Variants in EZH2 observed in about 807,000 individuals in gnomAD.
The protein encoded by EZH2 is enhancer of zeste 2 polycomb repressive complex 2 subunit.
EZH2 carries 18 observed loss-of-function variants against 98.4 expected under a neutral mutation model. That is an observed-to-expected ratio of 0.18 (90% CI 0.13 to 0.27). The LOEUF (loss-of-function observed/expected upper bound fraction) is 0.27. Ranked by LOEUF, EZH2 falls within the 10% of genes least tolerant of loss-of-function variation. The pLI is 1.00. For synonymous variants in EZH2, 338 were observed against 312.3 expected (o/e 1.08, Z -0.87); for missense variants, 470 against 935.1 (o/e 0.50, Z 6.49).
chr7:148,847,405 GACACATATT>G, intron 1 of EZH2, 100 bp from the exon 2 acceptor site: 1 of 1,432,972 alleles, frequency 7.0e-7, no homozygotes, highest in Non-Finnish European at 9.6e-7. Context: ...GTGAAGAAAT[GACACATATT>G]ACACTGTTGG....
At chr7:148,815,701 A>C (rs1443487205) in intron 12 of EZH2, among the ~76,000 whole-genome samples, 155 bp from the exon 13 acceptor site, 1 of 152,242 alleles carries the variant, frequency 6.6e-6, no homozygotes, top group African/African-American at 2.4e-5. Context: ...ATCAGTTTGA[A>C]GCAACTCAAA....
At chr7:148,853,509 C>T (rs1816241237) in intron 1 of EZH2, among the ~76,000 whole-genome samples, 1 of 152,234 alleles carries the variant, frequency 6.6e-6, no homozygotes, top group South Asian at 2.1e-4. Flanking sequence ...GAATCTAATG[C>T]TGCTGCCAAT....
At chr7:148,859,970 T>C (rs1189182022) in intron 1 of EZH2, among the ~76,000 whole-genome samples, 1 of 152,194 alleles carries the variant, frequency 6.6e-6, no homozygotes. Flanking sequence ...AACATATTTA[T>C]GCAAATAGCC....
intron 3 of EZH2, among the ~76,000 whole-genome samples, chr7:148,844,124 A>G (rs1213704305): frequency 6.6e-6 from 1 of 152,230 alleles, no homozygotes; most frequent in Non-Finnish European, 1.5e-5. Flanking sequence ...TACCACTAGG[A>G]AAGTCTTTGC....
chr7:148,826,528 A>T lies in EZH2; in HGVS notation c.833T>A (p.Leu278Ter). The change falls in exon 8 of 20, where the codon TTA (leucine) becomes TAA (stop). Residue 278 changes from leucine (L) to a stop codon, truncating the protein, a stop_gained. Transcript: ENST00000320356. LOFTEE classifies it high-confidence loss of function. Reference sequence around the variant, plus strand: ...ACAGAAAAGCGTATGAAAGGAGTGTAAGCTTTGCTCTCTCTGAACAGATTT... The same window carrying T: ...ACAGAAAAGCGTATGAAAGGAGTGTTAGCTTTGCTCTCTCTGAACAGATTT... ...NAKSVQREQS[L>*]HSFHTLFCRR... is the part of the protein sequence containing the mutation. The T allele has an allele frequency of 6.2e-7, 1 of 1,607,410 alleles. No individual in the cohort carries two copies. Among genetic ancestry groups the T allele is most frequent in the Non-Finnish European group, 8.5e-7 (1 of 1,175,746 alleles).
chr7:148,868,050 A>C (rs1205756263), intron 1 of EZH2, among the ~76,000 whole-genome samples: 2 of 152,104 alleles, frequency 1.3e-5, no homozygotes, highest in Admixed American at 1.3e-4. Flanking sequence ...TTTGGTCAAA[A>C]CCATTCAACA....
At chr7:148,819,360 T>C (rs1805395314) in intron 9 of EZH2, among the ~76,000 whole-genome samples, 1 of 152,216 alleles carries the variant, frequency 6.6e-6, no homozygotes, top group South Asian at 2.1e-4. Flanking sequence ...CCTAAAGACC[T>C]TGAAATGTTG....
rs867056575 is a variant in EZH2 at position 148,863,096 on chromosome 7, A to G, written c.-7-15791T>C. Among the ~76,000 whole-genome samples the G allele has an allele frequency of 7.8e-4, 113 of 144,600 alleles. 1 individual carries two copies. Among genetic ancestry groups the G allele is most frequent in the South Asian group, 4.6e-3 (21 of 4,522 alleles). 94.9% of individuals were successfully genotyped at this position (144,600 alleles called of 152,430 possible). On this transcript the variant is annotated intron_variant, in intron 1 of 19. Coordinates refer to ENST00000320356, the MANE Select transcript of EZH2 (RefSeq NM_004456.5). ...GAGACCCTGTCTCAAAAAAAAAAAA[A>G]AAAGAAAGAAAGAAAGAAAAAATAG...
intron 1 of EZH2, among the ~76,000 whole-genome samples, chr7:148,872,787 A>C (rs531234708): frequency 5.9e-4 from 89 of 152,100 alleles, no homozygotes; most frequent in Non-Finnish European, 1.2e-3. Flanking sequence ...AGTATCAAAA[A>C]CTAAGAGACT....
rs1434330368 is a variant in EZH2 at position 148,832,705 on chromosome 7, A to T, written c.292T>A (p.Leu98Ile). Residue 98 changes from leucine to isoleucine, a missense_variant, in exon 4 of 20, where the codon TTA becomes ATA. Leu to Ile is a conservative substitution (Grantham distance 5). Around this residue, in one of 6 missense-constraint regions of EZH2, gnomAD observed 79 missense variants for 122.1 expected, o/e 0.65. Transcript: ENST00000320356. ...DLDFPTQVIP[L>I]KTLNAVASVP... ...GAAGCAACTGCATTCAGAGTCTTTA[A>T]TGGGATGACTTGTGTTGGAAAATCC... is the stretch of plus-strand genomic sequence containing the variant. 6.2e-7 allele frequency: 1 copy of T among 1,610,562 alleles called. No individual in the cohort carries two copies. The highest frequency in any genetic ancestry group is 8.5e-7 in the Non-Finnish European group (1 of 1,177,758).
At chr7:148,814,891 G>C (rs375833751) in intron 14 of EZH2, 23 bp downstream of exon 14, 4 of 1,606,936 alleles carry the variant, frequency 2.5e-6, no homozygotes, top group Admixed American at 1.7e-5. Flanking sequence ...TCATGCAATT[G>C]CATCAAAGCA....
intron 1 of EZH2, among the ~76,000 whole-genome samples, chr7:148,866,170 G>A (rs931175602): frequency 1.3e-5 from 2 of 152,006 alleles, no homozygotes; most frequent in Admixed American, 6.6e-5. Context: ...ACACACTGCC[G>A]GGGTACTACA....
At chr7:148,847,796 G>T (rs913655169) in intron 1 of EZH2, among the ~76,000 whole-genome samples, 1 of 152,158 alleles carries the variant, frequency 6.6e-6, no homozygotes, top group Admixed American at 6.5e-5. Flanking sequence ...ATAATAAAAT[G>T]TACAAAGGTA....
At chr7:148,813,876 C>G (rs1803851223) in intron 15 of EZH2, 83 bp downstream of exon 15, 12 of 1,415,058 alleles carry the variant, frequency 8.5e-6, no homozygotes, top group Non-Finnish European at 9.6e-7. Context: ...TTTGCCCCAG[C>G]TAAATCATCT....
chr7:148,843,292 C>T (rs1812972712), intron 3 of EZH2, among the ~76,000 whole-genome samples: 2 of 151,624 alleles, frequency 1.3e-5, no homozygotes, highest in African/African-American at 4.8e-5. Context: ...GTGAGAGGAT[C>T]GCCTGAGCCT....
intron 8 of EZH2, among the ~76,000 whole-genome samples, chr7:148,820,570 A>T (rs752462538): frequency 6.6e-5 from 10 of 151,968 alleles, no homozygotes; most frequent in Non-Finnish European, 1.2e-4. Context: ...AAAAAAGGAC[A>T]AAGTTGTGTT....
chr7:148,834,936 C>G (rs1350133032), intron 3 of EZH2, among the ~76,000 whole-genome samples: 1 of 152,192 alleles, frequency 6.6e-6, no homozygotes, highest in Admixed American at 6.5e-5. Flanking sequence ...AATGAGGACA[C>G]TGAGGTTCAG....
At chr7:148,866,039 T>G (rs1001366775) in intron 1 of EZH2, among the ~76,000 whole-genome samples, 6 of 152,174 alleles carry the variant, frequency 3.9e-5, no homozygotes, top group Admixed American at 1.3e-4. Context: ...GGCCCCACAG[T>G]TCATGATCTT....
At chr7:148,812,776 A>G (rs892549712) in intron 15 of EZH2, among the ~76,000 whole-genome samples, 7 of 152,178 alleles carry the variant, frequency 4.6e-5, no homozygotes, top group Admixed American at 6.5e-5. Flanking sequence ...CTGTGATCCA[A>G]TGACCTAAAT....
Sources: allele counts gnomAD v4.1 joint callset (sites outside exome capture counted in the v4.1 genomes callset), GRCh38; gene constraint gnomAD v4.1.1; regional missense constraint gnomAD v4.1.1; transcripts MANE v1.5; gene names NCBI Gene and HGNC (gene_info 2026-07-23, HGNC 2026-07-21).